Variants in AGAP1 observed in about 807,000 individuals in gnomAD.
The protein encoded by AGAP1 is arf-GAP with GTPase, ANK repeat and PH domain-containing protein 1.
Under a neutral mutation model 105.3 loss-of-function variants are expected in AGAP1, and 29 were observed. The ratio of observed to expected loss-of-function variants is 0.28; its 90% CI spans 0.21 to 0.38. The LOEUF is 0.38. AGAP1 is among the 10% of genes least tolerant of loss of function. The probability of loss-of-function intolerance (pLI) is 1.00; values close to 1 mark genes in which losing one functional copy is unlikely to be tolerated. For synonymous variants in AGAP1, 509 were observed against 485.9 expected (o/e 1.05, Z -0.63); for missense variants, 998 against 1,165.1 (o/e 0.86, Z 2.09).
chr2:235,903,068 C>T (rs781175666), intron 10 of AGAP1, among the ~76,000 whole-genome samples: 47 of 152,038 alleles, frequency 3.1e-4, no homozygotes, highest in Non-Finnish European at 5.4e-4. Context: ...AAGGCAAGTA[C>T]TGTATCTGAA....
At chr2:235,533,265 GT>G (rs1420987394) in intron 1 of AGAP1, among the ~76,000 whole-genome samples, 1 of 152,170 alleles carries the variant, frequency 6.6e-6, no homozygotes, top group Non-Finnish European at 1.5e-5. Flanking sequence ...GATGAAAGAG[GT>G]TTTGACTTTC....
At chr2:236,102,581 CTG>C (rs1422989951) in intron 16 of AGAP1, among the ~76,000 whole-genome samples, 2 of 137,824 alleles carry the variant, frequency 1.5e-5, no homozygotes, top group African/African-American at 3.1e-5. Context: ...GAGTGAGAGA[CTG>C]TTAAAAAAAA....
chr2:235,560,836 A>T (rs1944125740), intron 1 of AGAP1, among the ~76,000 whole-genome samples: 1 of 152,172 alleles, frequency 6.6e-6, no homozygotes, highest in Admixed American at 6.5e-5. Flanking sequence ...GCGGCAGTAG[A>T]TGAGTGCACC....
chr2:236,017,822 G>C (rs2056757539), intron 13 of AGAP1, among the ~76,000 whole-genome samples: 1 of 152,138 alleles, frequency 6.6e-6, no homozygotes, highest in Non-Finnish European at 1.5e-5. Flanking sequence ...TGCCAGGTAG[G>C]TATCATGTTA....
In AGAP1 at chr2:235,701,103, A is replaced by G. The variant is rs1950238009; in HGVS notation, c.164-8076A>G. ...ATGTATATATTATATACTCTATAAT[A>G]TAGTTATATGTACATATTATATATT... is the stretch of plus-strand genomic sequence containing the variant. On this transcript the variant is annotated intron_variant, in intron 1 of 17. Transcript: ENST00000304032. This position sits in a 1 kb window ranked among gnomAD's most constrained non-coding sequence, Gnocchi z 4.1. 6.8e-6 allele frequency among the ~76,000 whole-genome samples: 1 copy of G among 146,012 alleles called. No individual in the cohort carries two copies. Among genetic ancestry groups the G allele is most frequent in the Non-Finnish European group, 1.5e-5 (1 of 67,106 alleles).
rs1455059879 is a variant in AGAP1 at position 236,042,190 on chromosome 2, G to A, written c.1891+1349G>A. The stretch of plus-strand genomic sequence containing the variant: ...ACATACTGGAATAGAGGCAAAGCAG[G>A]GAGGAGGCCAGCCAGGGTCGGCTTG... On this transcript the variant is annotated intron_variant, in intron 15 of 17. Coordinates refer to ENST00000304032, the MANE Select transcript of AGAP1 (RefSeq NM_001037131.3). The surrounding 1 kb of genome is among the most constrained non-coding windows in gnomAD (Gnocchi z 5.6). Among the ~76,000 whole-genome samples the A allele has an allele frequency of 6.6e-6, 1 of 152,160 alleles. No homozygotes were observed. Among genetic ancestry groups the A allele is most frequent in the Non-Finnish European group, 1.5e-5 (1 of 68,038 alleles).
intron 9 of AGAP1, among the ~76,000 whole-genome samples, chr2:235,873,671 A>C (rs1463039706): frequency 3.3e-5 from 5 of 152,178 alleles, no homozygotes; most frequent in Non-Finnish European, 5.9e-5. Flanking sequence ...CGACTGTGGG[A>C]AGGCCAGTGC....
rs1342207466 is a variant in AGAP1, at chr2:236,035,662, T to C, written c.1646-899T>C. Among the ~76,000 whole-genome samples the C allele has an allele frequency of 6.6e-6, 1 of 152,166 alleles. No individual in the cohort carries two copies. Among genetic ancestry groups the C allele is most frequent in the African/African-American group, 2.4e-5 (1 of 41,436 alleles). ...CGTGGTTGTATGCAATTAGTTATGCTTTTTGCCAGTGGTGCCTCCTCCTTT... is the reference window on the plus strand; with the variant it reads ...CGTGGTTGTATGCAATTAGTTATGCCTTTTGCCAGTGGTGCCTCCTCCTTT... On this transcript the variant is annotated intron_variant, in intron 13 of 17. Coordinates refer to ENST00000304032, the MANE Select transcript of AGAP1 (RefSeq NM_001037131.3). This position sits in a 1 kb window ranked among gnomAD's most constrained non-coding sequence, Gnocchi z 4.2.
chr2:236,014,717 CT>C lies in AGAP1; in HGVS notation c.1646-21835del, dbSNP rs35361765. On this transcript the variant is annotated intron_variant, in intron 13 of 17. Coordinates refer to ENST00000304032, the MANE Select transcript of AGAP1 (RefSeq NM_001037131.3). This position sits in a 1 kb window ranked among gnomAD's most constrained non-coding sequence, Gnocchi z 6.3. ...AGGCAACGTCACGTGCTACTTTGAC[CT>C]TTTTTTTTCTCCCCTTTTCATTTGT... 1.3e-4 allele frequency: 46 copies of C among 358,014 alleles called. No individual in the cohort carries two copies. Among genetic ancestry groups the C allele is most frequent in the Admixed American group, 4.5e-4 (12 of 26,618 alleles). 22.2% of individuals were successfully genotyped at this position (358,014 alleles called of 1,614,324 possible).
rs1312276730 is a variant in AGAP1, at chr2:235,965,565, C to T, written c.1484-2897C>T. On this transcript the variant is annotated intron_variant, in intron 12 of 17. Coordinates refer to ENST00000304032, the MANE Select transcript of AGAP1 (RefSeq NM_001037131.3). This position sits in a 1 kb window ranked among gnomAD's most constrained non-coding sequence, Gnocchi z 5.8. ...CAGACCTGACCGAGCTCTGTGACTT[C>T]AGCAAGTTACTTAACCTTCCCCTGT... is the stretch of plus-strand genomic sequence containing the variant. 2.6e-5 allele frequency among the ~76,000 whole-genome samples: 4 copies of T among 151,816 alleles called. No homozygotes were observed. Among genetic ancestry groups the T allele is most frequent in the Non-Finnish European group, 5.9e-5 (4 of 68,022 alleles).
chr2:235,735,787 T>C (rs1362886718), intron 3 of AGAP1, among the ~76,000 whole-genome samples: 1 of 152,086 alleles, frequency 6.6e-6, no homozygotes, highest in East Asian at 1.9e-4. Flanking sequence ...CCCAGCGCAG[T>C]TTCCACATGT....
intron 1 of AGAP1, among the ~76,000 whole-genome samples, chr2:235,590,666 T>TGTGTGTGTGTGTGTGCGTGTGC (rs1945296719): frequency 6.2e-4 from 33 of 53,120 alleles, no homozygotes; most frequent in African/African-American, 3.3e-3. Context: ...TTTGTTTTAA[T>TGTGTGTGTGTGTGTGCGTGTGC]GTGTGTGTGT....
chr2:236,036,487 C>T lies in AGAP1; in HGVS notation c.1646-74C>T, dbSNP rs1457007859. 29 of 1,566,940 alleles carry T rather than the reference C, an allele frequency of 1.9e-5. No homozygotes were observed. The highest frequency in any genetic ancestry group is 2.3e-5 in the Non-Finnish European group (27 of 1,156,886). ...GGGGCAGCTGAACCCAGAGGCGCTT[C>T]TGTGACAGAGGGCCCGCAGGGGGAC... is the stretch of plus-strand genomic sequence containing the variant. On this transcript the variant is annotated intron_variant, in intron 13 of 17. Transcript: ENST00000304032. This position sits in a 1 kb window ranked among gnomAD's most constrained non-coding sequence, Gnocchi z 5.7.
intron 16 of AGAP1, among the ~76,000 whole-genome samples, chr2:236,118,812 T>C (rs1308840319): frequency 6.6e-6 from 1 of 151,862 alleles, no homozygotes; most frequent in Non-Finnish European, 1.5e-5. Flanking sequence ...TCTTTGTAAA[T>C]TTCTTGTCCC....
chr2:235,899,328 C>G (rs984640633), intron 10 of AGAP1, among the ~76,000 whole-genome samples: 3 of 152,122 alleles, frequency 2.0e-5, no homozygotes, highest in Non-Finnish European at 4.4e-5. Context: ...GCCTGGCCAA[C>G]ATGGTGAAAT....
In AGAP1 at chr2:235,550,784, A is replaced by AT. The variant is rs1461592297; in HGVS notation, c.163+55943dup. ...GATAGTGTTTATTTATTTTTATCTT[A>AT]TTTTTTTTGAGATAGAGTCTCACTC... On this transcript the variant is annotated intron_variant, in intron 1 of 17. Coordinates refer to ENST00000304032, the MANE Select transcript of AGAP1 (RefSeq NM_001037131.3). The surrounding 1 kb of genome is among the most constrained non-coding windows in gnomAD (Gnocchi z 4.6). 4.0e-5 allele frequency among the ~76,000 whole-genome samples: 6 copies of AT among 151,656 alleles called. No individual in the cohort carries two copies. The highest frequency in any genetic ancestry group is 2.1e-4 in the South Asian group (1 of 4,796).
intron 2 of AGAP1, among the ~76,000 whole-genome samples, chr2:235,717,014 C>T (rs1466804456): frequency 1.3e-5 from 2 of 152,118 alleles, no homozygotes; most frequent in Admixed American, 6.6e-5. Context: ...TGTGTGCCCT[C>T]CTCGCCTGTG....
chr2:235,827,295 C>T (rs914579686), intron 9 of AGAP1, among the ~76,000 whole-genome samples: 1 of 152,158 alleles, frequency 6.6e-6, no homozygotes, highest in Admixed American at 6.5e-5. Flanking sequence ...ACTCTCCTTG[C>T]TCACCCTGAG....
At chr2:235,909,612 A>AAC (rs1211895498) in intron 11 of AGAP1, among the ~76,000 whole-genome samples, 6 of 152,376 alleles carry the variant, frequency 3.9e-5, no homozygotes, top group South Asian at 2.1e-4. Context: ...CCCTCCCATA[A>AAC]ACACACACAC....
Sources: allele counts gnomAD v4.1 joint callset (sites outside exome capture counted in the v4.1 genomes callset), GRCh38; gene constraint gnomAD v4.1.1; non-coding constraint Gnocchi (gnomAD v3.1); transcripts MANE v1.5; gene names NCBI Gene and HGNC (gene_info 2026-07-23, HGNC 2026-07-21).